The following CTIF variants were observed in gnomAD, a reference collection of about 807,000 sequenced individuals.
CTIF encodes CBP80/20-dependent translation initiation factor.
A neutral mutation model predicts 66.0 loss-of-function variants in CTIF; 21 were observed. That is an observed-to-expected ratio of 0.32 (90% CI 0.23 to 0.46). The LOEUF is 0.46. Among genes scored for constraint, CTIF ranks in the 20% least tolerant of loss-of-function variants. CTIF has a pLI of 1.00. For missense variants in CTIF, 739 were observed against 812.7 expected (o/e 0.91, Z 1.10); for synonymous variants, 345 against 326.4 (o/e 1.06, Z -0.62).
intron 6 of CTIF, 125 bp downstream of exon 6, chr18:48,670,869 T>TATTACTACCATACAGGCG: frequency 1.3e-6 from 1 of 755,192 alleles, no homozygotes; most frequent in Non-Finnish European, 2.2e-6. Flanking sequence ...TGTAACCGCC[T>TATTACTACCATACAGGCG]GTATGGTAGT....
intron 6 of CTIF, among the ~76,000 whole-genome samples, chr18:48,698,483 G>A (rs2145353483): frequency 6.6e-6 from 1 of 152,294 alleles, no homozygotes; most frequent in East Asian, 1.9e-4. Flanking sequence ...AAAGTGCTGG[G>A]ATTACAGGCA....
At chr18:48,779,973 C>A (rs912587510) in intron 9 of CTIF, among the ~76,000 whole-genome samples, 1 of 152,162 alleles carries the variant, frequency 6.6e-6, no homozygotes, top group African/African-American at 2.4e-5. Flanking sequence ...CATGCAGCCC[C>A]GGAGGTCAGG....
At chr18:48,804,563 T>C (rs566100449) in intron 9 of CTIF, among the ~76,000 whole-genome samples, 22 of 152,338 alleles carry the variant, frequency 1.4e-4, no homozygotes, top group African/African-American at 5.1e-4. Flanking sequence ...CTTTGGTGGA[T>C]GGAGTAACTC....
At chr18:48,680,981 G>A (rs545816023) in intron 6 of CTIF, among the ~76,000 whole-genome samples, 2 of 152,334 alleles carry the variant, frequency 1.3e-5, no homozygotes, top group African/African-American at 2.4e-5. Flanking sequence ...ACAGGGCTAC[G>A]TGCTCTCCAG....
chr18:48,634,642 G>A (rs1020956785), intron 2 of CTIF, among the ~76,000 whole-genome samples: 1 of 152,216 alleles, frequency 6.6e-6, no homozygotes, highest in Non-Finnish European at 1.5e-5. Flanking sequence ...TGGGAGAAAT[G>A]CCCTCTTCCT....
At chr18:48,749,931 C>G (rs936617238) in intron 7 of CTIF, among the ~76,000 whole-genome samples, 1 of 152,220 alleles carries the variant, frequency 6.6e-6, no homozygotes, top group African/African-American at 2.4e-5. Context: ...GGGCGAGGGC[C>G]TTCCCCTGGA....
intron 1 of CTIF, among the ~76,000 whole-genome samples, chr18:48,548,984 G>A (rs1283549659): frequency 6.7e-6 from 1 of 149,974 alleles, no homozygotes; most frequent in African/African-American, 2.4e-5. Flanking sequence ...GGATGACTGT[G>A]AATTTTTTTT....
intron 3 of CTIF, among the ~76,000 whole-genome samples, chr18:48,660,462 A>G (rs894955988): frequency 6.6e-6 from 1 of 152,164 alleles, no homozygotes; most frequent in African/African-American, 2.4e-5. Flanking sequence ...AAACACATAC[A>G]TGCAGGCACA....
At chr18:48,853,677 A>G (rs577679873) in intron 10 of CTIF, among the ~76,000 whole-genome samples, 2 of 152,326 alleles carry the variant, frequency 1.3e-5, no homozygotes, top group East Asian at 3.9e-4. Context: ...GCTCTGGCCA[A>G]TCAAGCACTC....
intron 1 of CTIF, among the ~76,000 whole-genome samples, chr18:48,569,669 T>C (rs1387473319): frequency 1.3e-5 from 2 of 152,108 alleles, no homozygotes; most frequent in Non-Finnish European, 2.9e-5. Context: ...GTAATTAAAA[T>C]TTTGCTGAAC....
chr18:48,715,180 G>T (rs2092267764), intron 7 of CTIF, among the ~76,000 whole-genome samples: 1 of 152,098 alleles, frequency 6.6e-6, no homozygotes, highest in East Asian at 1.9e-4. Flanking sequence ...CTTCAGAGTG[G>T]TCACCTGCAG....
At chr18:48,811,608 C>T (rs1382828778) in intron 9 of CTIF, among the ~76,000 whole-genome samples, 2 of 148,480 alleles carry the variant, frequency 1.3e-5, no homozygotes, top group African/African-American at 4.9e-5. Context: ...ACTGTCGTTT[C>T]TGTTTATGGG....
In CTIF at chr18:48,704,818, A is replaced by G. The variant is rs528076229; in HGVS notation, c.508-6801A>G. ...CAGAGGAACCAGGGGTTAAGACTTC[A>G]GCGTAAGAATTTGGAGATCACACTT... On this transcript the variant is annotated intron_variant, in intron 6 of 11. Transcript: ENST00000256413. 3.5e-4 allele frequency among the ~76,000 whole-genome samples: 53 copies of G among 152,302 alleles called. 1 individual carries two copies. In the South Asian group the frequency reaches 5.0e-3, roughly 14 times the overall value.
chr18:48,807,654 C>T (rs559322293), intron 9 of CTIF, among the ~76,000 whole-genome samples: 83 of 150,396 alleles, frequency 5.5e-4, no homozygotes, highest in African/African-American at 2.0e-3. Flanking sequence ...AATCTCGGCT[C>T]ACTGCAACTT....
At chr18:48,828,579 A>G in intron 10 of CTIF, among the ~76,000 whole-genome samples, 1 of 152,214 alleles carries the variant, frequency 6.6e-6, no homozygotes, top group East Asian at 1.9e-4. Flanking sequence ...CTTGAAAACA[A>G]TTTAAATTCA....
At chr18:48,586,660 G>A (rs952972310) in intron 1 of CTIF, among the ~76,000 whole-genome samples, 2 of 152,162 alleles carry the variant, frequency 1.3e-5, no homozygotes, top group Admixed American at 6.5e-5. Flanking sequence ...TTTATAACCT[G>A]TTTCTGTTGC....
At chr18:48,828,043 CTGT>C in intron 10 of CTIF, among the ~76,000 whole-genome samples, 2 of 146,138 alleles carry the variant, frequency 1.4e-5, no homozygotes, top group East Asian at 2.1e-4. Flanking sequence ...CACCCTTTGA[CTGT>C]TCTGCTTCCT....
At chr18:48,687,081 G>A (rs1455164926) in intron 6 of CTIF, among the ~76,000 whole-genome samples, 4 of 152,000 alleles carry the variant, frequency 2.6e-5, no homozygotes, top group Non-Finnish European at 5.9e-5. Flanking sequence ...GAAGAAGGTC[G>A]GAAGACTGAG....
intron 10 of CTIF, among the ~76,000 whole-genome samples, chr18:48,827,399 G>A (rs955662156): frequency 3.3e-5 from 5 of 152,162 alleles, no homozygotes; most frequent in African/African-American, 7.2e-5. Flanking sequence ...CAAATAAAGC[G>A]TGGGCAGGAG....
Sources: gnomAD v4.1 joint callset for allele counts (sites outside exome capture counted in the v4.1 genomes callset) on GRCh38, gnomAD v4.1.1 for gene constraint, MANE v1.5 for transcripts, NCBI Gene and HGNC (gene_info 2026-07-23, HGNC 2026-07-21) for gene names.